The following ARHGEF10 variants were observed in gnomAD, a reference collection of about 807,000 sequenced individuals.
The protein encoded by ARHGEF10 is Rho guanine nucleotide exchange factor (GEF) 10.
A neutral mutation model predicts 147.4 loss-of-function variants in ARHGEF10; 140 were observed. That is an observed-to-expected ratio of 0.95 (90% CI 0.83 to 1.09). The LOEUF (loss-of-function observed/expected upper bound fraction) is 1.09. Ranked by LOEUF, ARHGEF10 falls within the 50% of genes least tolerant of loss-of-function variation. The probability of loss-of-function intolerance (pLI) is 0.00; values close to 1 mark genes in which losing one functional copy is unlikely to be tolerated. For missense variants in ARHGEF10, 2,222 were observed against 1,752.7 expected, an observed-to-expected ratio of 1.27 and a Z score of -4.78; for synonymous variants, 902 against 695.8, an observed-to-expected ratio of 1.30 and a Z score of -4.67.
intron 18 of ARHGEF10, among the ~76,000 whole-genome samples, chr8:1,910,914 T>A (rs1323053902): frequency 1.3e-5 from 2 of 152,224 alleles, no homozygotes; most frequent in African/African-American, 4.8e-5. Context: ...ATGTTATATT[T>A]TCTTATTCAT....
In ARHGEF10 at chr8:1,958,361, A is replaced by G. The variant is rs1238182409; in HGVS notation, c.*1098A>G. On this transcript the variant is annotated 3_prime_UTR_variant, in exon 29 of 29. Transcript: ENST00000349830. ...AGAACGTGCATAATGAGTGCACACCATCATGTCAAGGTGCATACTTAGTGA... is the reference window on the plus strand; with the variant it reads ...AGAACGTGCATAATGAGTGCACACCGTCATGTCAAGGTGCATACTTAGTGA... The G allele has an allele frequency of 1.3e-5, 2 of 152,328 alleles. No individual in the cohort carries two copies. Among genetic ancestry groups the G allele is most frequent in the South Asian group, 2.1e-4 (1 of 4,830 alleles). 9.4% of individuals were successfully genotyped at this position (152,328 alleles called of 1,614,324 possible).
At chr8:1,901,126 G>A (rs1477925404) in intron 15 of ARHGEF10, among the ~76,000 whole-genome samples, 2 of 152,064 alleles carry the variant, frequency 1.3e-5, no homozygotes, top group Non-Finnish European at 1.5e-5. Context: ...TGTGCCTGAG[G>A]GGCCCTACCT....
chr8:1,834,879 C>T (rs1018228620), intron 1 of ARHGEF10, among the ~76,000 whole-genome samples: 4 of 152,224 alleles, frequency 2.6e-5, no homozygotes, highest in South Asian at 2.1e-4. Context: ...GTCCAGAGAC[C>T]GCGCAGCCTT....
At chr8:1,831,189 T>C (rs1211935432) in intron 1 of ARHGEF10, among the ~76,000 whole-genome samples, 1 of 151,178 alleles carries the variant, frequency 6.6e-6, no homozygotes, top group African/African-American at 2.4e-5. Context: ...GACAGGGTGA[T>C]GGACATCCAT....
At chr8:1,829,939 A>G (rs562758049) in intron 1 of ARHGEF10, among the ~76,000 whole-genome samples, 1 of 152,330 alleles carries the variant, frequency 6.6e-6, no homozygotes, top group African/African-American at 2.4e-5. Flanking sequence ...GCGTTTTGCC[A>G]GCTGATGAAA....
intron 3 of ARHGEF10, among the ~76,000 whole-genome samples, chr8:1,858,345 T>C (rs1805778706): frequency 6.6e-6 from 1 of 152,140 alleles, no homozygotes; most frequent in Admixed American, 6.5e-5. Context: ...TCCCCATTCT[T>C]ACGGCCCAAT....
chr8:1,881,905 G>C (rs1330512262), intron 9 of ARHGEF10, among the ~76,000 whole-genome samples: 1 of 152,224 alleles, frequency 6.6e-6, no homozygotes, highest in Non-Finnish European at 1.5e-5. Flanking sequence ...TCAGCGTCCA[G>C]TGGCCAGTAC....
chr8:1,954,260 A>G (rs533654647), intron 28 of ARHGEF10, among the ~76,000 whole-genome samples: 2 of 152,026 alleles, frequency 1.3e-5, no homozygotes, highest in East Asian at 3.9e-4. Flanking sequence ...TGCCTGGCTA[A>G]TTTTTGTATT....
chr8:1,833,226 A>G (rs1445033368), intron 1 of ARHGEF10, among the ~76,000 whole-genome samples: 1 of 150,482 alleles, frequency 6.6e-6, no homozygotes, highest in Non-Finnish European at 1.5e-5. Flanking sequence ...AAGCAGAGGG[A>G]TGCAGAGGGA....
intron 1 of ARHGEF10, among the ~76,000 whole-genome samples, chr8:1,841,880 TGGGGCCGCGGCGGGAACTGGGG>T (rs1804079356): frequency 1.0e-5 from 1 of 100,158 alleles, no homozygotes; most frequent in African/African-American, 3.8e-5. Context: ...CGGCGGGAAC[TGGGGCCGCGGCGGGAACTGGGG>T]CCGCGGCGGG....
chr8:1,872,672 T>A (rs1236620747), intron 7 of ARHGEF10, among the ~76,000 whole-genome samples: 3 of 152,170 alleles, frequency 2.0e-5, no homozygotes, highest in Non-Finnish European at 2.9e-5. Context: ...TCAGTGACCA[T>A]CCAACATTAA....
intron 17 of ARHGEF10, among the ~76,000 whole-genome samples, 198 bp downstream of exon 17, chr8:1,905,914 T>G (rs1810854539): frequency 6.6e-6 from 1 of 152,206 alleles, no homozygotes; most frequent in Non-Finnish European, 1.5e-5. Context: ...ACCAAGTCAC[T>G]GTTAGTAGAA....
chr8:1,854,913 C>T (rs548297685), intron 2 of ARHGEF10, among the ~76,000 whole-genome samples: 1 of 152,088 alleles, frequency 6.6e-6, no homozygotes, highest in Non-Finnish European at 1.5e-5. Flanking sequence ...CTGTACCTGG[C>T]ACACGGGACA....
Position 1,903,443 on chromosome 8 carries a change from C to G in ARHGEF10, c.1813C>G (p.Leu605Val), listed in dbSNP as rs1339571270. ...AGCCAAAGCCATAAACGAAAGATAC[C>G]TGAACAAGGTTGAGAGAGGTTTTCT... Reference protein sequence around the residue: ...QIAKAINERYLNKLLSSGSRY... With the variant: ...QIAKAINERYVNKLLSSGSRY... Residue 605 changes from leucine (L) to valine (V), a missense_variant, in exon 16 of 29, where the codon CTG becomes GTG. Leu to Val is a conservative substitution (Grantham distance 32, BLOSUM62 1). Transcript: ENST00000349830. 3 of 1,614,138 alleles carry G rather than the reference C, an allele frequency of 1.9e-6. No homozygotes were observed. Among genetic ancestry groups the G allele is most frequent in the Non-Finnish European group, 2.5e-6 (3 of 1,180,038 alleles).
intron 1 of ARHGEF10, among the ~76,000 whole-genome samples, chr8:1,830,129 A>G (rs1803002265): frequency 6.6e-6 from 1 of 152,238 alleles, no homozygotes; most frequent in South Asian, 2.1e-4. Context: ...CCCAGAGGGC[A>G]AGGACTCCTG....
intron 1 of ARHGEF10, among the ~76,000 whole-genome samples, chr8:1,834,804 A>T (rs1803481287): frequency 2.0e-5 from 3 of 152,184 alleles, no homozygotes; most frequent in African/African-American, 7.2e-5. Flanking sequence ...ATGTGAAATC[A>T]ATCGGGTGCA....
rs151080025 is a variant in ARHGEF10, at chr8:1,860,104, C to G, written c.401C>G (p.Ala134Gly). 6.2e-7 allele frequency: 1 copy of G among 1,614,024 alleles called. No homozygotes were observed. Residue 134 changes from alanine to glycine, a missense_variant, in exon 4 of 29, where the codon GCG (alanine) becomes GGG (glycine). Ala to Gly is a moderately conservative substitution (Grantham distance 60). Coordinates refer to ENST00000349830, the MANE Select transcript of ARHGEF10 (RefSeq NM_014629.4). ...TTGGTGCCTGTACCCTGCGGCTATG[C>G]GGTGCCCTCCAACCTGCCCCTCCTG... ...GYLVPVPCGY[A>G]VPSNLPLLLP... is the part of the protein sequence containing the mutation.
In ARHGEF10 at chr8:1,829,797, G is replaced by A. The variant is rs192712749; in HGVS notation, c.-48+5684G>A. On this transcript the variant is annotated intron_variant, in intron 1 of 28. Transcript: ENST00000349830. ...GCGCTGCATTCGTGGTCCCGAATCC[G>A]GGGTCTGCGGAGGAAGAACGCGCGG... Among the ~76,000 whole-genome samples the A allele has an allele frequency of 2.0e-3, 307 of 152,324 alleles. 1 individual carries two copies. Among genetic ancestry groups the A allele is most frequent in the African/African-American group, 7.2e-3 (299 of 41,568 alleles).
intron 15 of ARHGEF10, among the ~76,000 whole-genome samples, chr8:1,902,556 G>C (rs957109601): frequency 6.6e-6 from 1 of 151,968 alleles, no homozygotes; most frequent in Non-Finnish European, 1.5e-5. Flanking sequence ...AAAATTGAGC[G>C]GAAAGTACAG....
Sources: gnomAD v4.1 joint callset for allele counts (sites outside exome capture counted in the v4.1 genomes callset) on GRCh38, gnomAD v4.1.1 for gene constraint, MANE v1.5 for transcripts, NCBI Gene and HGNC (gene_info 2026-07-23, HGNC 2026-07-21) for gene names.